Variants in GCLM observed in about 807,000 individuals in gnomAD.
GCLM encodes the protein glutamate--cysteine ligase regulatory subunit.
GCLM carries 15 observed loss-of-function variants against 36.0 expected under a neutral mutation model. The observed-to-expected ratio is 0.42, with a 90% CI of 0.28 to 0.64. The LOEUF is 0.64. Ranked by LOEUF, GCLM falls within the 30% of genes least tolerant of loss-of-function variation. GCLM has a pLI of 0.25. For synonymous variants in GCLM, 129 were observed against 122.8 expected (o/e 1.05, Z -0.34); for missense variants, 242 against 325.5 (o/e 0.74, Z 1.97).
At chr1:93,905,352 G>T (rs950154441) in intron 1 of GCLM, among the ~76,000 whole-genome samples, 2 of 152,082 alleles carry the variant, frequency 1.3e-5, no homozygotes, top group Non-Finnish European at 2.9e-5. Flanking sequence ...TCCTACCTCA[G>T]ATTCACCTGT....
chr1:93,899,816 T>C (rs1656881061), intron 3 of GCLM, among the ~76,000 whole-genome samples: 1 of 152,228 alleles, frequency 6.6e-6, no homozygotes, highest in Admixed American at 6.5e-5. Context: ...TCATTTTCTA[T>C]ATTTGTAATA....
Position 93,886,606 on chromosome 1 carries a change from C to G in GCLM, c.*2384G>C, listed in dbSNP as rs1656312772. On this transcript the variant is annotated 3_prime_UTR_variant, in exon 7 of 7. Coordinates refer to ENST00000370238, the MANE Select transcript of GCLM (RefSeq NM_002061.4). ...AGAAAATGAATCTATAGTCTTGCTT[C>G]TTTGTCAAGAGTTGAGGGTGCAGGT... 1.3e-5 allele frequency: 2 copies of G among 152,114 alleles called. No homozygotes were observed. The highest frequency in any genetic ancestry group is 1.3e-4 in the Admixed American group (2 of 15,260). The allele number at this position is 152,114 out of a possible 1,614,324, so 9.4% of individuals were successfully genotyped here.
chr1:93,898,960 A>G (rs1405520732), intron 3 of GCLM, among the ~76,000 whole-genome samples: 3 of 152,106 alleles, frequency 2.0e-5, no homozygotes, highest in Non-Finnish European at 4.4e-5. Context: ...AGACCTATAA[A>G]AGCAGAAAGA....
chr1:93,897,016 G>A (rs1362207442), intron 4 of GCLM, among the ~76,000 whole-genome samples, 196 bp from the exon 5 acceptor site: 1 of 152,066 alleles, frequency 6.6e-6, no homozygotes, highest in South Asian at 2.1e-4. Context: ...TTACCTACTT[G>A]CTCTGTGTGG....
At chr1:93,908,959 C>G in intron 1 of GCLM, 79 bp downstream of exon 1, 1 of 1,178,648 alleles carries the variant, frequency 8.5e-7, no homozygotes, top group South Asian at 2.1e-5. Flanking sequence ...CGCCCGCGGG[C>G]GCTTCTCCCT....
chr1:93,903,422 T>G (rs1329332268), intron 2 of GCLM, among the ~76,000 whole-genome samples: 1 of 151,492 alleles, frequency 6.6e-6, no homozygotes, highest in Non-Finnish European at 1.5e-5. Context: ...GTGATTCTCC[T>G]GCCTCAGCCT....
At chr1:93,896,939 CAG>C (rs895980895) in intron 4 of GCLM, 119 bp from the exon 5 acceptor site, 1 of 643,620 alleles carries the variant, frequency 1.6e-6, no homozygotes, top group Non-Finnish European at 2.7e-6. Flanking sequence ...TTCAAAATAA[CAG>C]ATTATTTCAT....
rs1657259280 is a variant in GCLM, at chr1:93,909,056, C to A, written c.108G>T (p.Pro36=). The A allele has an allele frequency of 6.8e-7, 1 of 1,473,640 alleles. No homozygotes were observed. The highest frequency in any genetic ancestry group is 8.9e-7 in the Non-Finnish European group (1 of 1,118,074). 91.3% of individuals were successfully genotyped at this position (1,473,640 alleles called of 1,614,324 possible). A position where few individuals can be genotyped will look rare whatever the true frequency, so the allele number is the denominator to read the frequency against. ...LNWGRLRKKC[P]STHSEELHDC... The stretch of plus-strand genomic sequence containing the variant: ...CGCTCACCTCCTCGCTGTGCGTGGA[C>A]GGGCACTTCTTCCGCAGGCGGCCCC... The change falls in exon 1 of 7, where the codon CCG becomes CCT. Residue 36 remains proline, a synonymous_variant. Coordinates refer to ENST00000370238, the MANE Select transcript of GCLM (RefSeq NM_002061.4).
At chr1:93,900,258 CTCT>C (rs1046971642) in intron 3 of GCLM, among the ~76,000 whole-genome samples, 8 of 152,076 alleles carry the variant, frequency 5.3e-5, no homozygotes, top group African/African-American at 1.9e-4. Context: ...CTGAAATGGC[CTCT>C]TCTCTCTGAA....
chr1:93,893,551 C>T (rs374712771), intron 6 of GCLM, among the ~76,000 whole-genome samples: 52 of 152,092 alleles, frequency 3.4e-4, no homozygotes, highest in African/African-American at 1.1e-3. Flanking sequence ...ATTTTTTCGG[C>T]GGGAATTATC....
chr1:93,891,673 C>T (rs980080125), intron 6 of GCLM, among the ~76,000 whole-genome samples: 2 of 152,122 alleles, frequency 1.3e-5, no homozygotes, highest in Admixed American at 6.5e-5. Flanking sequence ...TTAAATGCAT[C>T]AATCAATATG....
chr1:93,904,890 T>C (rs1281984615), intron 1 of GCLM, among the ~76,000 whole-genome samples: 1 of 152,130 alleles, frequency 6.6e-6, no homozygotes, highest in African/African-American at 2.4e-5. Context: ...AAAGCATTCA[T>C]AGGCCAGGTA....
At chr1:93,889,563 A>G (rs191833036) in intron 6 of GCLM, among the ~76,000 whole-genome samples, 12 of 151,704 alleles carry the variant, frequency 7.9e-5, no homozygotes, top group Non-Finnish European at 1.3e-4. Flanking sequence ...TTTGGTGTAT[A>G]TGAGTATATA....
chr1:93,896,772 G>A lies in GCLM; in HGVS notation c.386C>T (p.Ser129Leu). The A allele has an allele frequency of 6.2e-7, 1 of 1,610,290 alleles. No homozygotes were observed. Among genetic ancestry groups the A allele is most frequent in the Non-Finnish European group, 8.5e-7 (1 of 1,176,432 alleles). The change falls in exon 5 of 7, where the codon TCA becomes TTA. Residue 129 changes from serine to leucine, a missense_variant. Transcript: ENST00000370238. Reference protein sequence around the residue: ...VAQLDSVIIASPPIEDGVNLS... With the variant: ...VAQLDSVIIALPPIEDGVNLS... ...ATTAACTCCATCTTCAATAGGAGGT[G>A]AAGCAATGATCACAGAATCCAGCTG...
intron 6 of GCLM, among the ~76,000 whole-genome samples, chr1:93,891,433 A>G (rs1050500905): frequency 1.3e-5 from 2 of 152,130 alleles, no homozygotes; most frequent in Non-Finnish European, 2.9e-5. Flanking sequence ...CCCTTAGTAG[A>G]GAGGCCTCTC....
In GCLM at chr1:93,909,401, C is replaced by G. The variant is rs530693140; in HGVS notation, c.-238G>C. On this transcript the variant is annotated 5_prime_UTR_variant, in exon 1 of 7. Transcript: ENST00000370238. Reference sequence around the variant, plus strand: ...GCTGCGGCTCCGGCTCCGGCTACTGCGGCCGCAGCGGGAGAGCTGATTCCA... The same window carrying G: ...GCTGCGGCTCCGGCTCCGGCTACTGGGGCCGCAGCGGGAGAGCTGATTCCA... The G allele has an allele frequency of 3.3e-6, 2 of 604,440 alleles. No homozygotes were observed. Among genetic ancestry groups the G allele is most frequent in the East Asian group, 1.3e-4 (1 of 7,928 alleles). 37.4% of individuals were successfully genotyped at this position (604,440 alleles called of 1,614,324 possible).
At chr1:93,908,793 C>A in intron 1 of GCLM, 1 of 316,904 alleles carries the variant, frequency 3.2e-6, no homozygotes. Context: ...CCTTAAGCAC[C>A]GAGAGAGGTG....
At chr1:93,890,495 T>A (rs779437384) in intron 6 of GCLM, among the ~76,000 whole-genome samples, 5 of 152,204 alleles carry the variant, frequency 3.3e-5, no homozygotes, top group Non-Finnish European at 7.3e-5. Context: ...ATGGCTCTGA[T>A]GACACTTGGG....
intron 2 of GCLM, among the ~76,000 whole-genome samples, chr1:93,903,897 C>T (rs924764186): frequency 2.0e-5 from 3 of 152,018 alleles, no homozygotes; most frequent in Non-Finnish European, 4.4e-5. Flanking sequence ...TTCAGAGAAA[C>T]AGAGATTGAT....
Sources: gnomAD v4.1 joint callset for allele counts (sites outside exome capture counted in the v4.1 genomes callset) on GRCh38, gnomAD v4.1.1 for gene constraint, MANE v1.5 for transcripts, NCBI Gene and HGNC (gene_info 2026-07-23, HGNC 2026-07-21) for gene names.